Variants in PAPPA2 observed in about 807,000 individuals in gnomAD.
PAPPA2 encodes the protein pappalysin-2.
A neutral mutation model predicts 176.4 loss-of-function variants in PAPPA2; 86 were observed. The ratio of observed to expected loss-of-function variants is 0.49; its 90% confidence interval spans 0.41 to 0.58. The LOEUF is 0.58. PAPPA2 is among the 20% of genes least tolerant of loss of function. PAPPA2 has a pLI of 0.00. For synonymous variants in PAPPA2, 809 were observed against 852.2 expected (o/e 0.95, Z 0.88); for missense variants, 2,073 against 2,256.9 (o/e 0.92, Z 1.65).
At chr1:176,608,699 T>A (rs1295450599) in intron 3 of PAPPA2, among the ~76,000 whole-genome samples, 2 of 152,182 alleles carry the variant, frequency 1.3e-5, no homozygotes, top group East Asian at 1.9e-4. Context: ...GCCCTTTTTT[T>A]ATTCAAGATT....
intron 21 of PAPPA2, among the ~76,000 whole-genome samples, chr1:176,802,276 A>G (rs1665714353): frequency 6.6e-6 from 1 of 152,172 alleles, no homozygotes. Flanking sequence ...CAGGTGAATC[A>G]ATCCCTGTAG....
chr1:176,600,513 A>G (rs560059915), intron 3 of PAPPA2, among the ~76,000 whole-genome samples: 4 of 151,552 alleles, frequency 2.6e-5, no homozygotes, highest in African/African-American at 9.7e-5. Context: ...CGTCTCTACT[A>G]AAAATACAAA....
chr1:176,499,524 G>T (rs936648330), intron 1 of PAPPA2, among the ~76,000 whole-genome samples: 8 of 152,130 alleles, frequency 5.3e-5, no homozygotes, highest in Non-Finnish European at 1.2e-4. Flanking sequence ...GAAGAAAAGG[G>T]CAGGACTGTT....
At chr1:176,582,262 A>T (rs1653033025) in intron 2 of PAPPA2, among the ~76,000 whole-genome samples, 1 of 151,976 alleles carries the variant, frequency 6.6e-6, no homozygotes, top group African/African-American at 2.4e-5. Flanking sequence ...TTCATTTGCA[A>T]ATGGACAATT....
intron 21 of PAPPA2, among the ~76,000 whole-genome samples, chr1:176,818,823 C>T (rs1032171972): frequency 6.6e-5 from 10 of 152,202 alleles, no homozygotes; most frequent in Non-Finnish European, 1.5e-4. Flanking sequence ...TTTGCAATGG[C>T]TTACCTAGCC....
intron 12 of PAPPA2, among the ~76,000 whole-genome samples, chr1:176,720,397 T>TTA (rs1331695475): frequency 6.6e-6 from 1 of 152,154 alleles, no homozygotes; most frequent in Admixed American, 6.5e-5. Context: ...TATATATATA[T>TTA]GTGCAATATA....
chr1:176,517,823 C>T (rs564793075), intron 1 of PAPPA2, among the ~76,000 whole-genome samples: 95 of 152,110 alleles, frequency 6.2e-4, no homozygotes, highest in Non-Finnish European at 9.8e-4. Flanking sequence ...CCACCTTCGA[C>T]ATGGCAGAAG....
intron 9 of PAPPA2, among the ~76,000 whole-genome samples, chr1:176,705,260 T>A (rs1356549570): frequency 1.3e-5 from 2 of 152,232 alleles, no homozygotes; most frequent in Non-Finnish European, 2.9e-5. Context: ...TCAATTATGT[T>A]GTTTTTATAT....
intron 3 of PAPPA2, among the ~76,000 whole-genome samples, chr1:176,651,558 C>A (rs1406226707): frequency 6.6e-6 from 1 of 151,448 alleles, no homozygotes; most frequent in Non-Finnish European, 1.5e-5. Context: ...TGTCTTTGAC[C>A]TTTGAGAATT....
intron 8 of PAPPA2, 97 bp downstream of exon 8, chr1:176,699,686 CGGA>C (rs1381087551): frequency 1.3e-5 from 20 of 1,483,116 alleles, no homozygotes; most frequent in Non-Finnish European, 1.7e-5. Context: ...TGCCCTTAGT[CGGA>C]GGAATGTTTA....
intron 17 of PAPPA2, 76 bp from the exon 18 acceptor site, chr1:176,789,732 CA>C: frequency 6.7e-7 from 1 of 1,489,196 alleles, no homozygotes. Context: ...ATTCTTATGC[CA>C]TATTGCTGAG....
intron 21 of PAPPA2, among the ~76,000 whole-genome samples, chr1:176,816,149 A>AGTGT (rs1418313850): frequency 4.1e-5 from 3 of 72,570 alleles, no homozygotes; most frequent in African/African-American, 1.5e-4. Context: ...TTCCTTTCAC[A>AGTGT]GTGTATATAT....
At position 176,599,252 on chromosome 1, in the gene PAPPA2, T is replaced by G. The variant is rs550872146; in HGVS notation, c.1991+3657T>G. 2.6e-5 allele frequency among the ~76,000 whole-genome samples: 4 copies of G among 152,180 alleles called. 1 individual carries two copies. Among genetic ancestry groups the G allele is most frequent in the Admixed American group, 1.3e-4 (2 of 15,244 alleles). ...ATTTGCATATTCTTTTAGCATCTTATCCTTAGCCTTGTTACACTAGGGATT... is the reference window on the plus strand; with the variant it reads ...ATTTGCATATTCTTTTAGCATCTTAGCCTTAGCCTTGTTACACTAGGGATT... On this transcript the variant is annotated intron_variant, in intron 3 of 22. Coordinates refer to ENST00000367662, the MANE Select transcript of PAPPA2 (RefSeq NM_020318.3).
At position 176,690,216 on chromosome 1, in the gene PAPPA2, G is replaced by A. The variant is rs1243106530; in HGVS notation, c.2217G>A (p.Leu739=). The A allele has an allele frequency of 1.2e-6, 2 of 1,613,868 alleles. No homozygotes were observed. The highest frequency in any genetic ancestry group is 1.7e-6 in the Non-Finnish European group (2 of 1,179,978). The stretch of plus-strand genomic sequence containing the variant: ...TGATCCATGAAGTGGGACATGTTCT[G>A]GGACTCTACCATGTCTTTAAAGGAG... The part of the protein sequence containing the change: ...DTMIHEVGHV[L]GLYHVFKGVS... Residue 739 remains leucine, a synonymous_variant, in exon 5 of 23, where the codon CTG becomes CTA. Coordinates refer to ENST00000367662, the MANE Select transcript of PAPPA2 (RefSeq NM_020318.3).
chr1:176,711,722 C>A, intron 11 of PAPPA2, 113 bp from the exon 12 acceptor site: 3 of 1,197,342 alleles, frequency 2.5e-6, no homozygotes, highest in South Asian at 1.5e-5. Flanking sequence ...ATAATGTGAT[C>A]ATTAGGCATT....
chr1:176,639,067 A>G (rs1656907897), intron 3 of PAPPA2, among the ~76,000 whole-genome samples: 1 of 151,894 alleles, frequency 6.6e-6, no homozygotes, highest in Non-Finnish European at 1.5e-5. Flanking sequence ...TTTAAAAAAA[A>G]TAAAAGATGA....
rs57185368 is a variant in PAPPA2, at chr1:176,791,173, A to ATTTTTT, written c.4885-151_4885-146dup. 1.1e-3 allele frequency among the ~76,000 whole-genome samples: 92 copies of ATTTTTT among 80,872 alleles called. 11 individuals carry two copies. The highest frequency in any genetic ancestry group is 4.9e-3 in the African/African-American group (81 of 16,580). 53.1% of individuals were successfully genotyped at this position (80,872 alleles called of 152,430 possible). A position where few individuals can be genotyped will look rare whatever the true frequency, so the allele number is the denominator to read the frequency against. On this transcript the variant is annotated intron_variant, in intron 18 of 22. Transcript: ENST00000367662. ...TTCCTCTGCTTGGAAAAAGCAAAGA[A>ATTTTTT]TTTTTTTTTTTTTTTTTTTTTTTTT...
intron 1 of PAPPA2, among the ~76,000 whole-genome samples, chr1:176,550,448 C>T (rs1359675558): frequency 1.3e-5 from 2 of 152,172 alleles, no homozygotes; most frequent in Non-Finnish European, 2.9e-5. Context: ...CGGGGAAGAA[C>T]CCAGCATCAC....
chr1:176,763,701 A>C (rs1379265422), intron 14 of PAPPA2, among the ~76,000 whole-genome samples: 1 of 152,258 alleles, frequency 6.6e-6, no homozygotes, highest in Non-Finnish European at 1.5e-5. Context: ...AAAAGGATAA[A>C]TAAGTTAATT....
Sources: gnomAD v4.1 joint callset for allele counts (sites outside exome capture counted in the v4.1 genomes callset) on GRCh38, gnomAD v4.1.1 for gene constraint, MANE v1.5 for transcripts, NCBI Gene and HGNC (gene_info 2026-07-23, HGNC 2026-07-21) for gene names.